Variants in ARL15 observed in about 807,000 individuals in gnomAD.
ARL15 encodes the protein ADP-ribosylation factor-like protein 15.
A neutral mutation model predicts 25.2 loss-of-function variants in ARL15; 19 were observed. The observed-to-expected ratio is 0.75, with a 90% CI of 0.53 to 1.10. The LOEUF (loss-of-function observed/expected upper bound fraction) is 1.10. Ranked by LOEUF, ARL15 falls within the 50% of genes least tolerant of loss-of-function variation. ARL15 has a pLI of 0.00. For missense variants in ARL15, 220 were observed against 246.0 expected, an observed-to-expected ratio of 0.89 and a Z score of 0.71; for synonymous variants, 94 against 86.8, an observed-to-expected ratio of 1.08 and a Z score of -0.46.
intron 4 of ARL15, among the ~76,000 whole-genome samples, chr5:54,004,742 T>G (rs1748963613): frequency 6.6e-6 from 1 of 151,994 alleles, no homozygotes. Context: ...TACAAATTTG[T>G]AGGGGTACGA....
chr5:54,141,124 C>T (rs1266644906), intron 3 of ARL15, among the ~76,000 whole-genome samples: 1 of 151,996 alleles, frequency 6.6e-6, no homozygotes, highest in African/African-American at 2.4e-5. Context: ...AAATCTCTCA[C>T]TCTTTATATA....
At chr5:54,169,602 G>T (rs1754664632) in intron 2 of ARL15, among the ~76,000 whole-genome samples, 1 of 152,192 alleles carries the variant, frequency 6.6e-6, no homozygotes. Context: ...ACTTTCATTT[G>T]CTTATTAACA....
chr5:54,278,352 A>C (rs1309428688), intron 1 of ARL15, among the ~76,000 whole-genome samples: 1 of 152,160 alleles, frequency 6.6e-6, no homozygotes, highest in East Asian at 1.9e-4. Context: ...GATTTCATAA[A>C]ATCATAGAAC....
intron 4 of ARL15, among the ~76,000 whole-genome samples, chr5:54,020,082 CAT>C (rs1370116810): frequency 2.0e-5 from 3 of 152,258 alleles, no homozygotes; most frequent in Non-Finnish European, 4.4e-5. Flanking sequence ...AAAAAGTAAA[CAT>C]ATGAAGTATT....
chr5:54,225,969 G>A (rs1756506598), intron 1 of ARL15, among the ~76,000 whole-genome samples: 1 of 152,128 alleles, frequency 6.6e-6, no homozygotes, highest in Admixed American at 6.5e-5. Flanking sequence ...ACTTTCCCAG[G>A]AGCAGTGAGG....
intron 4 of ARL15, among the ~76,000 whole-genome samples, chr5:53,907,254 A>G (rs1378887835): frequency 6.6e-6 from 1 of 151,844 alleles, no homozygotes; most frequent in Non-Finnish European, 1.5e-5. Flanking sequence ...AAATGGGAAT[A>G]CTGAAGTTAG....
intron 4 of ARL15, among the ~76,000 whole-genome samples, chr5:54,044,059 A>G (rs1399018493): frequency 1.3e-5 from 2 of 152,114 alleles, no homozygotes; most frequent in African/African-American, 2.4e-5. Context: ...CATCATGACT[A>G]CTAGTTCACT....
intron 1 of ARL15, among the ~76,000 whole-genome samples, chr5:54,179,961 T>A (rs531748792): frequency 7.0e-6 from 1 of 143,012 alleles, no homozygotes; most frequent in African/African-American, 2.6e-5. Context: ...GAGGTTGCAG[T>A]GAGCTGAGAT....
intron 4 of ARL15, among the ~76,000 whole-genome samples, chr5:53,968,894 G>T (rs1397340332): frequency 6.6e-6 from 1 of 151,620 alleles, no homozygotes; most frequent in African/African-American, 2.4e-5. Flanking sequence ...GGTGACTCAC[G>T]CCTGTAATCC....
intron 1 of ARL15, among the ~76,000 whole-genome samples, chr5:54,184,225 T>C (rs1241803038): frequency 1.6e-5 from 2 of 122,610 alleles, no homozygotes; most frequent in African/African-American, 6.3e-5. Flanking sequence ...AATGTGCACA[T>C]GTACCCTAAA....
chr5:53,924,555 T>C (rs1286922904), intron 4 of ARL15, among the ~76,000 whole-genome samples: 1 of 152,200 alleles, frequency 6.6e-6, no homozygotes, highest in East Asian at 1.9e-4. Context: ...AAAGCCAAAG[T>C]TGGCTAGGAG....
intron 4 of ARL15, among the ~76,000 whole-genome samples, chr5:54,096,492 C>T (rs958986331): frequency 6.6e-6 from 1 of 152,214 alleles, no homozygotes; most frequent in African/African-American, 2.4e-5. Flanking sequence ...TGGCTCACTG[C>T]AACCAACTCC....
rs146494521 is a variant in ARL15 at position 53,983,936 on chromosome 5, G to A, written c.463-97223C>T. On this transcript the variant is annotated intron_variant, in intron 4 of 4. Coordinates refer to ENST00000504924, the MANE Select transcript of ARL15 (RefSeq NM_019087.3). ...TTGGACAGCCCGCACTCCCGCAGTC[G>A]TCTCCCCAAGCTTCCATTTATGCTC... is the stretch of plus-strand genomic sequence containing the variant. Among the ~76,000 whole-genome samples the A allele has an allele frequency of 7.4e-3, 1,121 of 152,190 alleles. 6 individuals carry two copies. The highest frequency in any genetic ancestry group is 0.012 in the Non-Finnish European group (800 of 68,004).
At chr5:54,021,618 C>A (rs376870724) in intron 4 of ARL15, among the ~76,000 whole-genome samples, 106 of 152,194 alleles carry the variant, frequency 7.0e-4, no homozygotes, top group African/African-American at 2.5e-3. Flanking sequence ...ATGAACAGAG[C>A]CTCAGGAACC....
chr5:54,040,132 T>G (rs1750291012), intron 4 of ARL15, among the ~76,000 whole-genome samples: 1 of 152,216 alleles, frequency 6.6e-6, no homozygotes, highest in African/African-American at 2.4e-5. Flanking sequence ...TTCTTCAATA[T>G]TTCTTATCTT....
chr5:54,030,260 T>G (rs1220608926), intron 4 of ARL15, among the ~76,000 whole-genome samples: 2 of 152,078 alleles, frequency 1.3e-5, no homozygotes, highest in Non-Finnish European at 2.9e-5. Context: ...CAGTTATGTA[T>G]AAGACACATA....
intron 4 of ARL15, among the ~76,000 whole-genome samples, chr5:53,887,927 AT>A (rs1744589160): frequency 6.6e-6 from 1 of 152,158 alleles, no homozygotes; most frequent in Admixed American, 6.6e-5. Context: ...ATGTTTGTAC[AT>A]TTTTTCATAT....
intron 1 of ARL15, among the ~76,000 whole-genome samples, chr5:54,184,947 G>A (rs779136654): frequency 4.6e-5 from 7 of 151,946 alleles, no homozygotes; most frequent in Non-Finnish European, 7.4e-5. Context: ...TGTTTTTCCC[G>A]TGATTTAAAA....
chr5:54,075,154 G>A (rs1437676569), intron 4 of ARL15, among the ~76,000 whole-genome samples: 2 of 147,550 alleles, frequency 1.4e-5, no homozygotes, highest in African/African-American at 2.5e-5. Context: ...GCCCAAAGAA[G>A]CTATTATAAG....
Sources: gnomAD v4.1 joint callset for allele counts (sites outside exome capture counted in the v4.1 genomes callset) on GRCh38, gnomAD v4.1.1 for gene constraint, MANE v1.5 for transcripts, NCBI Gene and HGNC (gene_info 2026-07-23, HGNC 2026-07-21) for gene names.